Variants in ZNF654 observed in about 807,000 individuals in gnomAD.
ZNF654 encodes the protein zinc finger protein 654.
Under a neutral mutation model 95.3 loss-of-function variants are expected in ZNF654, and 19 were observed. The observed-to-expected ratio is 0.20, with a 90% CI of 0.14 to 0.29. ZNF654 has a LOEUF of 0.29. Ranked by LOEUF, ZNF654 falls within the 10% of genes least tolerant of loss-of-function variation. The pLI, the probability that ZNF654 is intolerant of heterozygous loss-of-function variation, is 1.00. For synonymous variants in ZNF654, 413 were observed against 457.9 expected, an observed-to-expected ratio of 0.90 and a Z score of 1.25; for missense variants, 1,046 against 1,341.0, an observed-to-expected ratio of 0.78 and a Z score of 3.44.
intron 1 of ZNF654, among the ~76,000 whole-genome samples, chr3:88,064,398 C>A (rs1451366037): frequency 2.0e-5 from 3 of 152,122 alleles, no homozygotes; most frequent in Non-Finnish European, 2.9e-5. Flanking sequence ...CCTTTCCTTC[C>A]TGCTACCCTC....
At chr3:88,126,400 A>G (rs943651837) in intron 4 of ZNF654, 131 bp downstream of exon 4, 9 of 1,045,994 alleles carry the variant, frequency 8.6e-6, no homozygotes, top group Non-Finnish European at 1.1e-5. Flanking sequence ...GTATTTTCAC[A>G]TGAAAAGTGT....
intron 2 of ZNF654, among the ~76,000 whole-genome samples, chr3:88,096,667 T>G (rs1384534584): frequency 3.3e-5 from 5 of 152,170 alleles, no homozygotes; most frequent in African/African-American, 1.2e-4. Context: ...ATGTATATAA[T>G]GTACCCTTTT....
chr3:88,108,835 A>T (rs1704905107), intron 2 of ZNF654, among the ~76,000 whole-genome samples: 1 of 152,170 alleles, frequency 6.6e-6, no homozygotes. Context: ...TTCAGAAAAA[A>T]AAAAAATTGT....
intron 3 of ZNF654, among the ~76,000 whole-genome samples, chr3:88,124,023 C>T (rs545166967): frequency 1.3e-5 from 2 of 152,224 alleles, no homozygotes; most frequent in East Asian, 1.9e-4. Flanking sequence ...TTTATATTTA[C>T]CCCATATTTA....
At chr3:88,123,623 C>T (rs1705913476) in intron 3 of ZNF654, among the ~76,000 whole-genome samples, 1 of 152,128 alleles carries the variant, frequency 6.6e-6, no homozygotes, top group Non-Finnish European at 1.5e-5. Context: ...CTAAGTGTTT[C>T]TTATTTTCAG....
chr3:88,088,087 C>CT (rs1339999516), intron 2 of ZNF654, among the ~76,000 whole-genome samples: 1 of 152,180 alleles, frequency 6.6e-6, no homozygotes, highest in Non-Finnish European at 1.5e-5. Flanking sequence ...ACCTATACTA[C>CT]TTTTTTATTT....
intron 3 of ZNF654, among the ~76,000 whole-genome samples, chr3:88,125,161 G>A (rs1706019576): frequency 6.6e-6 from 1 of 150,970 alleles, no homozygotes; most frequent in Admixed American, 6.6e-5. Flanking sequence ...GTTGCAGTGA[G>A]CCAAGATCGT....
At position 88,077,331 on chromosome 3, in the gene ZNF654, A is replaced by ATT. The variant is rs372006323; in HGVS notation, c.187-8925_187-8924dup. 1.1e-3 allele frequency among the ~76,000 whole-genome samples: 150 copies of ATT among 139,686 alleles called. 5 individuals carry two copies. Among genetic ancestry groups the ATT allele is most frequent in the African/African-American group, 2.1e-3 (79 of 37,610 alleles). 91.6% of individuals were successfully genotyped at this position (139,686 alleles called of 152,430 possible). A position where few individuals can be genotyped will look rare whatever the true frequency, so the allele number is the denominator to read the frequency against. ...AAAAGAGAAAAAGTTGCAGACTTAA[A>ATT]TTGTTTTTTTTTTTTTTTTTGAGAC... On this transcript the variant is annotated intron_variant, in intron 1 of 8. Coordinates refer to ENST00000636215, the MANE Select transcript of ZNF654 (RefSeq NM_001350134.2).
At chr3:88,130,281 T>TA (rs1263926744) in intron 6 of ZNF654, among the ~76,000 whole-genome samples, 2 of 152,164 alleles carry the variant, frequency 1.3e-5, no homozygotes, top group Non-Finnish European at 2.9e-5. Context: ...ACAAAACTCT[T>TA]ACCACTTTGC....
intron 2 of ZNF654, among the ~76,000 whole-genome samples, chr3:88,098,019 C>G (rs1157198420): frequency 1.3e-5 from 2 of 152,148 alleles, no homozygotes; most frequent in African/African-American, 4.8e-5. Flanking sequence ...ATAAAAAACC[C>G]TTCAAAAACA....
Position 88,059,454 on chromosome 3 carries a change from C to G in ZNF654, c.135C>G (p.Cys45Trp). 2.0e-6 allele frequency: 3 copies of G among 1,522,000 alleles called. No homozygotes were observed. The highest frequency in any genetic ancestry group is 2.6e-6 in the Non-Finnish European group (3 of 1,142,010). 94.3% of individuals were successfully genotyped at this position (1,522,000 alleles called of 1,614,324 possible). The change falls in exon 1 of 9, where the codon TGC (cysteine) becomes TGG (tryptophan). Residue 45 changes from cysteine (C) to tryptophan (W), a missense_variant. Transcript: ENST00000636215. The stretch of plus-strand genomic sequence containing the variant: ...GAGGCGGCGCTGGCAGCGGCAACTG[C>G]GGCGGCGGCGTCGGAATCAGCAGTC... ...DGRGGAGSGNCGGGVGISSRD... is the reference protein window; with the variant it reads ...DGRGGAGSGNWGGGVGISSRD...
Position 88,139,794 on chromosome 3 carries a change from G to A in ZNF654, c.2125G>A (p.Asp709Asn), listed in dbSNP as rs1707006810. 6.4e-7 allele frequency: 1 copy of A among 1,555,810 alleles called. No homozygotes were observed. The highest frequency in any genetic ancestry group is 1.4e-5 in the African/African-American group (1 of 73,296). Residue 709 changes from aspartate to asparagine, a missense_variant, in exon 8 of 9, where the codon GAT becomes AAT. Transcript: ENST00000636215. Reference sequence around the variant, plus strand: ...TGAGGAGGAAGAGGATGAAGAAGGTGATTATGAAGAAGATGATTATGACCT... The same window carrying A: ...TGAGGAGGAAGAGGATGAAGAAGGTAATTATGAAGAAGATGATTATGACCT... ...DYEEEEDEEGDYEEDDYDLNQ... is the reference protein window; with the variant it reads ...DYEEEEDEEGNYEEDDYDLNQ...
chr3:88,112,648 G>A (rs185560764), intron 2 of ZNF654, among the ~76,000 whole-genome samples: 26 of 152,006 alleles, frequency 1.7e-4, no homozygotes, highest in Non-Finnish European at 3.2e-4. Flanking sequence ...AATGTTGGCC[G>A]AGAGTTTTAT....
chr3:88,141,617 GC>G, intron 8 of ZNF654, 27 bp from the exon 9 acceptor site: 2 of 1,450,186 alleles, frequency 1.4e-6, no homozygotes, highest in Non-Finnish European at 1.9e-6. Flanking sequence ...AATAAAACTT[GC>G]ATTAACAGAT....
intron 1 of ZNF654, among the ~76,000 whole-genome samples, chr3:88,065,478 A>C (rs1364358668): frequency 6.6e-6 from 1 of 152,184 alleles, no homozygotes; most frequent in Admixed American, 6.6e-5. Context: ...ATATTTATTC[A>C]TACGAGAAAC....
chr3:88,098,955 A>G (rs954608838), intron 2 of ZNF654, among the ~76,000 whole-genome samples: 5 of 152,174 alleles, frequency 3.3e-5, no homozygotes, highest in Admixed American at 3.3e-4. Context: ...CACTACTTCT[A>G]TTCATCATAA....
At chr3:88,091,149 C>T (rs1181317633) in intron 2 of ZNF654, among the ~76,000 whole-genome samples, 3 of 152,128 alleles carry the variant, frequency 2.0e-5, no homozygotes, top group African/African-American at 7.2e-5. Flanking sequence ...CACACAAGGA[C>T]AAAATCACCT....
At chr3:88,099,971 A>C (rs1704309685) in intron 2 of ZNF654, among the ~76,000 whole-genome samples, 2 of 152,254 alleles carry the variant, frequency 1.3e-5, no homozygotes, top group Non-Finnish European at 2.9e-5. Flanking sequence ...AAAATTGACA[A>C]ATAGGATCTA....
At chr3:88,135,808 T>G (rs1412510731) in intron 7 of ZNF654, among the ~76,000 whole-genome samples, 2 of 152,090 alleles carry the variant, frequency 1.3e-5, no homozygotes, top group Non-Finnish European at 2.9e-5. Context: ...CCCCAAAATA[T>G]CAATAAGACT....
Sources: allele counts gnomAD v4.1 joint callset (sites outside exome capture counted in the v4.1 genomes callset), GRCh38; gene constraint gnomAD v4.1.1; transcripts MANE v1.5; gene names NCBI Gene and HGNC (gene_info 2026-07-23, HGNC 2026-07-21).